The following ADCY8 variants were observed in gnomAD, a reference collection of about 807,000 sequenced individuals.
The protein encoded by ADCY8 is adenylate cyclase type 8.
In ADCY8, 51 loss-of-function variants were observed where a neutral mutation model predicts 119.7. The ratio of observed to expected loss-of-function variants is 0.43; its 90% CI spans 0.34 to 0.54. ADCY8 has a LOEUF of 0.54. Ranked by LOEUF, ADCY8 falls within the 20% of genes least tolerant of loss-of-function variation. The probability of loss-of-function intolerance (pLI) is 0.03; values close to 1 mark genes in which losing one functional copy is unlikely to be tolerated. For missense variants in ADCY8, 1,383 were observed against 1,598.8 expected (o/e 0.87, Z 2.30); for synonymous variants, 665 against 651.0 (o/e 1.02, Z -0.33).
intron 9 of ADCY8, among the ~76,000 whole-genome samples, chr8:130,855,134 G>C (rs530612593): frequency 6.8e-6 from 1 of 146,412 alleles, no homozygotes; most frequent in Non-Finnish European, 1.5e-5. Context: ...TTTTTTTCCA[G>C]AGTCCATTAA....
chr8:130,933,415 A>G (rs1207476081), intron 5 of ADCY8, among the ~76,000 whole-genome samples: 1 of 152,194 alleles, frequency 6.6e-6, no homozygotes, highest in Non-Finnish European at 1.5e-5. Flanking sequence ...TAAGGTGCAA[A>G]TATTGTTCAC....
chr8:131,038,553 C>A (rs960259669), intron 1 of ADCY8, among the ~76,000 whole-genome samples: 1 of 151,906 alleles, frequency 6.6e-6, no homozygotes, highest in African/African-American at 2.4e-5. Flanking sequence ...TTCACATAAG[C>A]ATATCCATAT....
At chr8:131,033,472 G>A (rs1480010846) in intron 1 of ADCY8, among the ~76,000 whole-genome samples, 2 of 152,118 alleles carry the variant, frequency 1.3e-5, no homozygotes, top group Non-Finnish European at 2.9e-5. Context: ...TGTAGCAGCT[G>A]CTCTAGAAGC....
chr8:130,997,340 G>T (rs1822811736), intron 1 of ADCY8, among the ~76,000 whole-genome samples: 1 of 152,142 alleles, frequency 6.6e-6, no homozygotes, highest in African/African-American at 2.4e-5. Flanking sequence ...GAAATAGGAA[G>T]AATAAGTTAT....
intron 1 of ADCY8, among the ~76,000 whole-genome samples, chr8:131,006,049 C>G (rs1000148391): frequency 6.6e-6 from 1 of 151,518 alleles, no homozygotes; most frequent in East Asian, 1.9e-4. Context: ...CTCTCTCTGT[C>G]ACACACACAC....
intron 1 of ADCY8, among the ~76,000 whole-genome samples, chr8:131,009,696 T>G (rs142831572): frequency 6.6e-6 from 1 of 152,240 alleles, no homozygotes; most frequent in Non-Finnish European, 1.5e-5. Flanking sequence ...GCTGTAAAGA[T>G]AATGCATTAG....
intron 2 of ADCY8, among the ~76,000 whole-genome samples, chr8:130,988,800 G>GA (rs1250238755): frequency 1.2e-4 from 19 of 152,142 alleles, no homozygotes; most frequent in Admixed American, 1.0e-3. Flanking sequence ...TGAAGGATGA[G>GA]AAAAGAAGCA....
intron 1 of ADCY8, among the ~76,000 whole-genome samples, chr8:131,023,223 T>G (rs1442152319): frequency 1.3e-5 from 2 of 152,244 alleles, no homozygotes; most frequent in Non-Finnish European, 2.9e-5. Flanking sequence ...GCCATTGCCC[T>G]GTGCCTAAGC....
intron 9 of ADCY8, among the ~76,000 whole-genome samples, chr8:130,853,288 G>C (rs1817599415): frequency 6.6e-6 from 1 of 152,246 alleles, no homozygotes; most frequent in African/African-American, 2.4e-5. Flanking sequence ...TGCCTTTAAG[G>C]AAGAAAGCCC....
intron 12 of ADCY8, among the ~76,000 whole-genome samples, chr8:130,832,260 T>C (rs1816856478): frequency 6.6e-6 from 1 of 152,154 alleles, no homozygotes; most frequent in Non-Finnish European, 1.5e-5. Flanking sequence ...AGAGGGTTGT[T>C]GTGGGACAGG....
At chr8:130,966,250 G>T (rs958800104) in intron 2 of ADCY8, among the ~76,000 whole-genome samples, 1 of 152,116 alleles carries the variant, frequency 6.6e-6, no homozygotes, top group African/African-American at 2.4e-5. Context: ...AAGACCTCTG[G>T]ATCCTTGCAC....
At chr8:130,995,862 G>A (rs78244904) in intron 1 of ADCY8, among the ~76,000 whole-genome samples, 6,746 of 152,112 alleles carry the variant, frequency 0.044, 535 homozygotes, top group African/African-American at 0.15. Flanking sequence ...CTGCCGCACT[G>A]GATTGTGAGT....
intron 11 of ADCY8, among the ~76,000 whole-genome samples, chr8:130,846,890 T>TTCCTTCCTGCCTGCCTG (rs1563689847): frequency 3.5e-4 from 9 of 25,980 alleles, no homozygotes; most frequent in African/African-American, 1.1e-3. Context: ...CCCTTCCCTT[T>TTCCTTCCTGCCTGCCTG]CCTTCCTTCC....
chr8:131,038,090 A>T (rs1335990678), intron 1 of ADCY8, among the ~76,000 whole-genome samples: 1 of 152,206 alleles, frequency 6.6e-6, no homozygotes, highest in Non-Finnish European at 1.5e-5. Context: ...AAAGGAATAT[A>T]GAACCATTGG....
intron 9 of ADCY8, among the ~76,000 whole-genome samples, chr8:130,854,904 C>T (rs1817669640): frequency 7.0e-6 from 1 of 142,586 alleles, no homozygotes; most frequent in African/African-American, 2.6e-5. Context: ...TCCCTCCCTC[C>T]CCCTTTTCTT....
At chr8:131,035,126 T>C (rs982390671) in intron 1 of ADCY8, among the ~76,000 whole-genome samples, 3 of 152,164 alleles carry the variant, frequency 2.0e-5, no homozygotes, top group African/African-American at 7.2e-5. Flanking sequence ...AATTGGTTTA[T>C]GATGTGGAAA....
chr8:130,984,907 G>C (rs936266989), intron 2 of ADCY8, among the ~76,000 whole-genome samples: 2 of 152,164 alleles, frequency 1.3e-5, no homozygotes, highest in Non-Finnish European at 2.9e-5. Flanking sequence ...TGTAATGTTA[G>C]AGATGCTGAT....
At chr8:130,859,392 G>T (rs1192095307) in intron 9 of ADCY8, among the ~76,000 whole-genome samples, 1 of 152,100 alleles carries the variant, frequency 6.6e-6, no homozygotes, top group Non-Finnish European at 1.5e-5. Context: ...CAATTGTTTA[G>T]TTCCAGTATA....
At chr8:130,815,345 C>T (rs1314487763) in intron 13 of ADCY8, among the ~76,000 whole-genome samples, 1 of 152,178 alleles carries the variant, frequency 6.6e-6, no homozygotes, top group African/African-American at 2.4e-5. Flanking sequence ...CACGTAGTAA[C>T]AGGTTTGGCA....
Sources: allele counts gnomAD v4.1 joint callset (sites outside exome capture counted in the v4.1 genomes callset), GRCh38; gene constraint gnomAD v4.1.1; transcripts MANE v1.5; gene names NCBI Gene and HGNC (gene_info 2026-07-23, HGNC 2026-07-21).